The following PRDM9 variants were observed in gnomAD, a reference collection of about 807,000 sequenced individuals.
PRDM9 encodes the protein histone-lysine N-methyltransferase PRDM9.
Under a neutral mutation model 55.6 loss-of-function variants are expected in PRDM9, and 47 were observed. The observed-to-expected ratio is 0.85, with a 90% CI of 0.67 to 1.08. PRDM9 has a LOEUF of 1.08. Among genes scored for constraint, PRDM9 ranks in the 50% least tolerant of loss-of-function variants. PRDM9 has a pLI of 0.00. For synonymous variants in PRDM9, 312 were observed against 375.7 expected (o/e 0.83, Z 1.96); for missense variants, 867 against 1,040.3 (o/e 0.83, Z 2.29).
chr5:23,512,124 T>C (rs1270510196), intron 4 of PRDM9, among the ~76,000 whole-genome samples: 1 of 152,168 alleles, frequency 6.6e-6, no homozygotes, highest in Non-Finnish European at 1.5e-5. Flanking sequence ...AGAAATAATA[T>C]TAAGTAAAGA....
intron 4 of PRDM9, among the ~76,000 whole-genome samples, chr5:23,515,698 T>C (rs1443381420): frequency 1.3e-5 from 2 of 152,246 alleles, no homozygotes; most frequent in African/African-American, 2.4e-5. Context: ...ATATGAGATA[T>C]GTGGTAAGAG....
At chr5:23,511,046 C>A (rs951906157) in intron 4 of PRDM9, among the ~76,000 whole-genome samples, 1 of 150,224 alleles carries the variant, frequency 6.7e-6, no homozygotes, top group Non-Finnish European at 1.5e-5. Context: ...ACCCCAGCTA[C>A]TCAGGAGGCT....
intron 5 of PRDM9, among the ~76,000 whole-genome samples, chr5:23,518,668 A>G (rs1411727745): frequency 6.6e-6 from 1 of 152,228 alleles, no homozygotes; most frequent in African/African-American, 2.4e-5. Context: ...TTAAGACTTC[A>G]TATAGGTTAC....
At chr5:23,509,715 T>C in intron 3 of PRDM9, 122 bp downstream of exon 3, 2 of 1,562,574 alleles carry the variant, frequency 1.3e-6, no homozygotes, top group Non-Finnish European at 1.8e-6. Flanking sequence ...TGTAGACAAA[T>C]CTGGAGGGAA....
intron 5 of PRDM9, among the ~76,000 whole-genome samples, chr5:23,518,982 T>C (rs1395378325): frequency 6.6e-6 from 1 of 152,210 alleles, no homozygotes; most frequent in African/African-American, 2.4e-5. Flanking sequence ...ATGCTGAAAA[T>C]ATCTTTGAGT....
chr5:23,512,282 G>A (rs1261305850), intron 4 of PRDM9, among the ~76,000 whole-genome samples: 1 of 151,980 alleles, frequency 6.6e-6, no homozygotes, highest in East Asian at 1.9e-4. Context: ...GACAGCATCA[G>A]GTAAATAAAA....
chr5:23,509,621 G>A (rs1231924436), intron 3 of PRDM9, 28 bp downstream of exon 3: 4 of 1,614,008 alleles, frequency 2.5e-6, no homozygotes, highest in Non-Finnish European at 3.4e-6. Flanking sequence ...GCACAGACCA[G>A]CCTGGGAGAC....
rs372328393 is a variant in PRDM9, at chr5:23,527,697, G to A, written c.2609G>A (p.Ser870Asn). 7.6e-6 allele frequency: 12 copies of A among 1,588,236 alleles called. No homozygotes were observed. Among genetic ancestry groups the A allele is most frequent in the East Asian group, 4.7e-5 (2 of 42,332 alleles). ...TGCAGGGAGTGTGGGCGGGGCTTTA[G>A]CGATAGGTCAAGCCTCTGCTATCAC... ...YVCRECGRGF[S>N]DRSSLCYHQR... Residue 870 changes from serine to asparagine, a missense_variant, in exon 11 of 11, where the codon AGC becomes AAC. Transcript: ENST00000296682.
At chr5:23,526,115 A>C in intron 10 of PRDM9, 118 bp from the exon 11 acceptor site, 1 of 1,242,436 alleles carries the variant, frequency 8.0e-7, no homozygotes, top group Admixed American at 1.7e-5. Flanking sequence ...ACTTGGTGGG[A>C]AAGAGCTTGC....
chr5:23,521,270 A>G (rs1739323859), intron 6 of PRDM9, 91 bp downstream of exon 6: 2 of 1,488,632 alleles, frequency 1.3e-6, no homozygotes, highest in Non-Finnish European at 1.9e-6. Flanking sequence ...TGGACTTTGC[A>G]TAGGCCTGGG....
In PRDM9 at chr5:23,527,968, G is replaced by C. The variant is rs145285509; in HGVS notation, c.*195G>C. On this transcript the variant is annotated 3_prime_UTR_variant, in exon 11 of 11. Transcript: ENST00000296682. ...CATGACTAGAGATGAGGAAGAACAA[G>C]GGATAGTTCTGTAAGTGTTCGGGGG... The C allele has an allele frequency of 1.2e-3, 937 of 760,532 alleles. 6 individuals carry two copies. In the African/African-American group the frequency reaches 0.015, roughly 12 times the overall value. 47.1% of individuals were successfully genotyped at this position (760,532 alleles called of 1,614,324 possible). A position where few individuals can be genotyped will look rare whatever the true frequency, so the allele number is the denominator to read the frequency against.
In PRDM9 at chr5:23,521,069, T is replaced by C; in HGVS notation, c.398T>C (p.Leu133Ser). ...SFSNESSLKE[L>S]SRTANLLNAS... ...AGTAATGAATCTAGTTTGAAAGAAT[T>C]GTCAAGAACAGCAAATTTACTGAAT... Residue 133 changes from leucine to serine, a missense_variant, in exon 6 of 11, where the codon TTG becomes TCG. Transcript: ENST00000296682. 1 of 1,614,174 alleles carries C rather than the reference T, an allele frequency of 6.2e-7. No homozygotes were observed. The highest frequency in any genetic ancestry group is 1.3e-5 in the African/African-American group (1 of 75,048).
intron 4 of PRDM9, among the ~76,000 whole-genome samples, chr5:23,513,173 A>T (rs1307019847): frequency 1.3e-5 from 2 of 152,138 alleles, no homozygotes; most frequent in Non-Finnish European, 2.9e-5. Flanking sequence ...ATCATAAGGT[A>T]GTTCTGGTTT....
At chr5:23,508,676 A>G (rs1335568715) in intron 1 of PRDM9, among the ~76,000 whole-genome samples, 7 of 152,136 alleles carry the variant, frequency 4.6e-5, no homozygotes, top group Non-Finnish European at 8.8e-5. Context: ...ACCGGTAGCT[A>G]CAACCCTCCA....
Position 23,527,711 on chromosome 5 carries a change from C to A in PRDM9, c.2623C>A (p.Leu875Ile), listed in dbSNP as rs1161331127. The A allele has an allele frequency of 1.3e-6, 2 of 1,598,842 alleles. No individual in the cohort carries two copies. Among genetic ancestry groups the A allele is most frequent in the African/African-American group, 1.4e-5 (1 of 73,408 alleles). ...CGRGFSDRSS[L>I]CYHQRTHTGE... ...GCGGGGCTTTAGCGATAGGTCAAGC[C>A]TCTGCTATCACCAGAGGACACACAC... The change falls in exon 11 of 11, where the codon CTC becomes ATC. Residue 875 changes from leucine to isoleucine, a missense_variant. Coordinates refer to ENST00000296682, the MANE Select transcript of PRDM9 (RefSeq NM_020227.4).
upstream of PRDM9, chr5:23,507,220 A>G (rs1243301380): frequency 1.3e-5 from 2 of 152,412 alleles, no homozygotes. Flanking sequence ...AACTCTGGCA[A>G]TTCAAAAAGA....
At chr5:23,517,568 C>T (rs917768054) in intron 4 of PRDM9, among the ~76,000 whole-genome samples, 1 of 152,020 alleles carries the variant, frequency 6.6e-6, no homozygotes, top group Non-Finnish European at 1.5e-5. Context: ...GGTGGATCAC[C>T]TGAGGTCAGG....
Position 23,522,750 on chromosome 5 carries a change from G to T in PRDM9, c.747G>T (p.Gly249=). ...ALSLPPGLRI[G]PSGIPQAGLG... ...GTCTGCCCCCAGGGCTGAGAATTGG[G>T]CCATCAGGCATCCCTCAGGCTGGGC... Residue 249 remains glycine, a synonymous_variant, in exon 8 of 11, where the codon GGG becomes GGT. Transcript: ENST00000296682. 6.2e-7 allele frequency: 1 copy of T among 1,614,228 alleles called. No homozygotes were observed. Among genetic ancestry groups the T allele is most frequent in the South Asian group, 1.1e-5 (1 of 91,084 alleles).
At chr5:23,512,044 T>A (rs1159661832) in intron 4 of PRDM9, among the ~76,000 whole-genome samples, 1 of 152,066 alleles carries the variant, frequency 6.6e-6, no homozygotes, top group Non-Finnish European at 1.5e-5. Flanking sequence ...GCAAACTTAA[T>A]TAAACTGTAA....
Sources: allele counts gnomAD v4.1 joint callset (sites outside exome capture counted in the v4.1 genomes callset), GRCh38; gene constraint gnomAD v4.1.1; transcripts MANE v1.5; gene names NCBI Gene and HGNC (gene_info 2026-07-23, HGNC 2026-07-21).